SLC25A26: variants seen among roughly 807,000 people sequenced by gnomAD.
The protein encoded by SLC25A26 is mitochondrial S-adenosylmethionine carrier protein.
A neutral mutation model predicts 37.8 loss-of-function variants in SLC25A26; 36 were observed. The observed-to-expected ratio is 0.95, with a 90% CI of 0.73 to 1.26. The LOEUF is 1.26. SLC25A26 is among the 50% of genes most tolerant of loss of function. SLC25A26 has a pLI of 0.00. For synonymous variants in SLC25A26, 129 were observed against 122.5 expected (o/e 1.05, Z -0.35); for missense variants, 390 against 331.1 (o/e 1.18, Z -1.38).
chr3:66,268,027 C>T (rs997390044), intron 5 of SLC25A26, among the ~76,000 whole-genome samples: 6 of 152,182 alleles, frequency 3.9e-5, no homozygotes, highest in African/African-American at 1.2e-4. Context: ...TTTCCAGAGA[C>T]ACTCTATCCT....
chr3:66,159,280 T>C (rs1305239537), intron 1 of SLC25A26, among the ~76,000 whole-genome samples: 1 of 152,224 alleles, frequency 6.6e-6, no homozygotes. Flanking sequence ...TAGGGAATGC[T>C]AGGCCTGACA....
chr3:66,243,202 GC>G lies in SLC25A26; in HGVS notation c.191del (p.Ala64ValfsTer11), dbSNP rs782387290. The stretch of plus-strand genomic sequence containing the variant: ...AAAGACTGGCTTGTTTTAAATTTCA[GC>G]TGCTGCATTTTTTATCACCTATGAA... ...PSAAIGSFPN[A>X]AAFFITYEYV... On this transcript the variant is annotated frameshift_variant and splice_region_variant, in exon 3 of 10. Coordinates refer to ENST00000354883, the MANE Select transcript of SLC25A26 (RefSeq NM_001379210.1). LOFTEE classifies it high-confidence loss of function. The G allele has an allele frequency of 6.4e-7, 1 of 1,552,580 alleles. No homozygotes were observed. The highest frequency in any genetic ancestry group is 8.8e-7 in the Non-Finnish European group (1 of 1,132,242).
chr3:66,328,947 C>G (rs1295096258), intron 5 of SLC25A26, among the ~76,000 whole-genome samples: 4 of 152,024 alleles, frequency 2.6e-5, no homozygotes, highest in Non-Finnish European at 5.9e-5. Context: ...TTTAAAAATC[C>G]AAAATATGTG....
At chr3:66,239,670 C>G (rs1280122769) in intron 2 of SLC25A26, among the ~76,000 whole-genome samples, 1 of 152,142 alleles carries the variant, frequency 6.6e-6, no homozygotes, top group Non-Finnish European at 1.5e-5. Flanking sequence ...ATTTTAGAGA[C>G]AGTAAGTATG....
chr3:66,238,328 A>C (rs1329149639), intron 2 of SLC25A26, among the ~76,000 whole-genome samples: 2 of 152,176 alleles, frequency 1.3e-5, no homozygotes, highest in South Asian at 4.1e-4. Context: ...GTTGATTAAC[A>C]CATACTTTGT....
chr3:66,303,958 G>T (rs1406009101), intron 5 of SLC25A26, among the ~76,000 whole-genome samples: 1 of 152,202 alleles, frequency 6.6e-6, no homozygotes, highest in African/African-American at 2.4e-5. Context: ...TCCAGAGGCT[G>T]CTCTGAGGTC....
At chr3:66,347,059 A>G (rs1462691545) in intron 6 of SLC25A26, among the ~76,000 whole-genome samples, 2 of 152,212 alleles carry the variant, frequency 1.3e-5, no homozygotes, top group Non-Finnish European at 2.9e-5. Context: ...GGACATGGAC[A>G]TGGGCAAATA....
chr3:66,249,828 A>G (rs914330581), intron 3 of SLC25A26, among the ~76,000 whole-genome samples: 1 of 152,218 alleles, frequency 6.6e-6, no homozygotes, highest in African/African-American at 2.4e-5. Context: ...ATAAAGATGA[A>G]TGAAGGTTCA....
intron 5 of SLC25A26, among the ~76,000 whole-genome samples, chr3:66,296,207 C>T (rs1559669464): frequency 6.6e-6 from 1 of 152,158 alleles, no homozygotes; most frequent in Admixed American, 6.5e-5. Context: ...CTGACCAATT[C>T]TCTGAATTAT....
At chr3:66,278,082 C>T (rs1465110219) in intron 5 of SLC25A26, among the ~76,000 whole-genome samples, 1 of 152,070 alleles carries the variant, frequency 6.6e-6, no homozygotes, top group Admixed American at 6.6e-5. Context: ...TAGCTATTAG[C>T]ATTGCAGCAA....
intron 5 of SLC25A26, among the ~76,000 whole-genome samples, chr3:66,332,716 C>T (rs2107685339): frequency 6.6e-6 from 1 of 152,168 alleles, no homozygotes; most frequent in East Asian, 1.9e-4. Flanking sequence ...CCAGCCAGTG[C>T]TTGAACTTTA....
intron 5 of SLC25A26, among the ~76,000 whole-genome samples, chr3:66,319,294 G>A (rs2075627861): frequency 6.6e-6 from 1 of 151,946 alleles, no homozygotes; most frequent in Non-Finnish European, 1.5e-5. Context: ...TGAAAGTCGA[G>A]GGAGTGCCAG....
intron 5 of SLC25A26, among the ~76,000 whole-genome samples, chr3:66,320,086 G>C (rs2075654225): frequency 6.6e-6 from 1 of 152,024 alleles, no homozygotes; most frequent in South Asian, 2.1e-4. Context: ...TTAAACTTGA[G>C]CTTTTTATGG....
Position 66,236,623 on chromosome 3 carries a change from A to G in SLC25A26, c.113A>G (p.Gln38Arg). The G allele has an allele frequency of 6.5e-7, 1 of 1,528,670 alleles. No individual in the cohort carries two copies. Among genetic ancestry groups the G allele is most frequent in the East Asian group, 2.4e-5 (1 of 40,818 alleles). The allele number at this position is 1,528,670 out of a possible 1,614,324, so 94.7% of individuals were successfully genotyped here. The change falls in exon 2 of 10, where the codon CAA becomes CGA. Residue 38 changes from glutamine (Q) to arginine (R), a missense_variant. Gln to Arg is a conservative substitution (Grantham distance 43). Coordinates refer to ENST00000354883, the MANE Select transcript of SLC25A26 (RefSeq NM_001379210.1). ...DTIKTRLQSPQGFSKAGGFHG... is the reference protein window; with the variant it reads ...DTIKTRLQSPRGFSKAGGFHG... ...ATTAAAACCAGGCTGCAGAGTCCCC[A>G]AGGATTTAGTAAGGCTGGTGGTTTT...
Position 66,377,819 on chromosome 3 carries a change from G to T in SLC25A26, c.*12G>T. On this transcript the variant is annotated 3_prime_UTR_variant, in exon 10 of 10. Transcript: ENST00000354883. ...GAAAGAGTCCTTGAAGCAGAGACAA[G>T]CCTCACCTCCACTTCTGTCAAGAGA... is the stretch of plus-strand genomic sequence containing the variant. 6.3e-7 allele frequency: 1 copy of T among 1,595,840 alleles called. No individual in the cohort carries two copies. Among genetic ancestry groups the T allele is most frequent in the Non-Finnish European group, 8.6e-7 (1 of 1,163,548 alleles).
At chr3:66,185,773 C>T (rs1321770802) in intron 1 of SLC25A26, among the ~76,000 whole-genome samples, 7 of 152,194 alleles carry the variant, frequency 4.6e-5, no homozygotes, top group Admixed American at 2.0e-4. Context: ...TATACATATA[C>T]TTACATTCAC....
intron 1 of SLC25A26, among the ~76,000 whole-genome samples, chr3:66,173,153 T>C (rs1450563236): frequency 6.6e-6 from 1 of 152,222 alleles, no homozygotes; most frequent in Non-Finnish European, 1.5e-5. Context: ...AGATGCATTT[T>C]TTGTCCAGTT....
chr3:66,301,472 G>T (rs2075074217), intron 5 of SLC25A26, among the ~76,000 whole-genome samples: 2 of 152,328 alleles, frequency 1.3e-5, no homozygotes, highest in South Asian at 4.1e-4. Flanking sequence ...CCATGCCGGA[G>T]AGTGTGACTT....
rs779850463 is a variant in SLC25A26, at chr3:66,370,614, A to T, written c.707+12A>T. The T allele has an allele frequency of 6.2e-7, 1 of 1,609,798 alleles. No individual in the cohort carries two copies. Among genetic ancestry groups the T allele is most frequent in the Non-Finnish European group, 8.5e-7 (1 of 1,176,824 alleles). ...CAGGGGCTGGCAGGGTAAGACGAGG[A>T]ATGCCCTCCTTCCTTTCTTCCTCTC... On this transcript the variant is annotated intron_variant, in intron 9 of 9. Coordinates refer to ENST00000354883, the MANE Select transcript of SLC25A26 (RefSeq NM_001379210.1).
Sources: gnomAD v4.1 joint callset for allele counts (sites outside exome capture counted in the v4.1 genomes callset) on GRCh38, gnomAD v4.1.1 for gene constraint, MANE v1.5 for transcripts, NCBI Gene and HGNC (gene_info 2026-07-23, HGNC 2026-07-21) for gene names.